Variants in PCSK5 observed in about 807,000 individuals in gnomAD.
PCSK5 encodes the protein proprotein convertase subtilisin/kexin type 5, also known as prohormone convertase 5.
In PCSK5, 129 loss-of-function variants were observed where a neutral mutation model predicts 233.2. The ratio of observed to expected loss-of-function variants is 0.55; its 90% CI spans 0.48 to 0.64. PCSK5 has a LOEUF of 0.64. Among genes scored for constraint, PCSK5 ranks in the 30% least tolerant of loss-of-function variants. The pLI, the probability that PCSK5 is intolerant of heterozygous loss-of-function variation, is 0.00. For synonymous variants in PCSK5, 825 were observed against 879.2 expected (o/e 0.94, Z 1.09); for missense variants, 2,076 against 2,430.1 (o/e 0.85, Z 3.06).
chr9:76,257,064 C>T (rs1827006758), intron 24 of PCSK5, among the ~76,000 whole-genome samples: 3 of 152,214 alleles, frequency 2.0e-5, no homozygotes, highest in Admixed American at 2.0e-4. Flanking sequence ...TCTACGTTCA[C>T]CCTTTTTCTG....
intron 5 of PCSK5, among the ~76,000 whole-genome samples, chr9:76,033,440 C>A (rs979034428): frequency 2.0e-5 from 3 of 152,002 alleles, no homozygotes; most frequent in Non-Finnish European, 4.4e-5. Flanking sequence ...ATTTTTTTCT[C>A]TAATACTTTT....
chr9:75,988,964 T>C (rs1392222755), intron 3 of PCSK5, among the ~76,000 whole-genome samples: 9 of 152,194 alleles, frequency 5.9e-5, no homozygotes, highest in Admixed American at 5.9e-4. Flanking sequence ...GAGAAGTCAC[T>C]GAAACACTTG....
chr9:76,194,730 T>C (rs34619779), intron 20 of PCSK5: 51,577 of 463,002 alleles, frequency 0.11, 3,347 homozygotes, highest in Admixed American at 0.19. Context: ...ATCTTATAGA[T>C]CTTTTGACAG....
intron 24 of PCSK5, among the ~76,000 whole-genome samples, chr9:76,257,174 T>A (rs1250782713): frequency 6.6e-6 from 1 of 152,150 alleles, no homozygotes; most frequent in Non-Finnish European, 1.5e-5. Flanking sequence ...TCAGTAACTA[T>A]CTGTGACTTC....
At chr9:76,315,493 T>C (rs1828996337) in intron 30 of PCSK5, among the ~76,000 whole-genome samples, 1 of 152,194 alleles carries the variant, frequency 6.6e-6, no homozygotes, top group African/African-American at 2.4e-5. Context: ...ATTTAACGAT[T>C]TAGTACATGC....
chr9:76,181,246 CAAA>C, intron 15 of PCSK5, 149 bp from the exon 16 acceptor site: 1 of 623,504 alleles, frequency 1.6e-6, no homozygotes, highest in African/African-American at 2.0e-5. Flanking sequence ...GGAAGTTTAA[CAAA>C]CAATCTGGCT....
chr9:76,231,226 C>T (rs1826067998), intron 21 of PCSK5, among the ~76,000 whole-genome samples: 1 of 152,036 alleles, frequency 6.6e-6, no homozygotes, highest in African/African-American at 2.4e-5. Flanking sequence ...GGGGAAAATC[C>T]CTTTATAAAA....
intron 8 of PCSK5, among the ~76,000 whole-genome samples, chr9:76,105,151 A>G (rs1452687732): frequency 6.6e-6 from 1 of 152,230 alleles, no homozygotes; most frequent in Admixed American, 6.5e-5. Context: ...GTGTCCATCA[A>G]CAGATGAATG....
chr9:76,253,210 A>T (rs1225610291), intron 24 of PCSK5, among the ~76,000 whole-genome samples: 3 of 151,700 alleles, frequency 2.0e-5, no homozygotes, highest in Non-Finnish European at 4.4e-5. Context: ...CCATGGGCAG[A>T]TGGGGAAGGG....
intron 20 of PCSK5, among the ~76,000 whole-genome samples, chr9:76,212,142 C>G (rs1347261304): frequency 6.6e-6 from 1 of 152,172 alleles, no homozygotes; most frequent in Non-Finnish European, 1.5e-5. Context: ...TGCAACTCTT[C>G]CGCCAGACAG....
chr9:76,358,456 T>G (rs1049789038), intron 37 of PCSK5, 57 bp from the exon 38 acceptor site: 1 of 1,371,438 alleles, frequency 7.3e-7, no homozygotes, highest in African/African-American at 1.4e-5. Flanking sequence ...ATTTTCTCTA[T>G]TCTATTTCTT....
intron 1 of PCSK5, among the ~76,000 whole-genome samples, chr9:75,929,880 T>TA (rs1440218278): frequency 2.0e-5 from 3 of 147,860 alleles, no homozygotes; most frequent in Non-Finnish European, 4.5e-5. Context: ...TTTTTTTTTT[T>TA]AAGACAGAGT....
At chr9:75,956,233 G>A (rs1825089000) in intron 2 of PCSK5, among the ~76,000 whole-genome samples, 1 of 152,210 alleles carries the variant, frequency 6.6e-6, no homozygotes, top group South Asian at 2.1e-4. Context: ...TTCTTAGCAT[G>A]AGCACGTACT....
intron 4 of PCSK5, among the ~76,000 whole-genome samples, chr9:76,026,439 A>G (rs549582440): frequency 2.0e-4 from 30 of 152,306 alleles, no homozygotes; most frequent in African/African-American, 7.2e-4. Flanking sequence ...GATACCTGAC[A>G]TAATAAAGAT....
intron 10 of PCSK5, among the ~76,000 whole-genome samples, chr9:76,148,161 C>T (rs1019756403): frequency 6.6e-6 from 1 of 151,506 alleles, no homozygotes; most frequent in African/African-American, 2.4e-5. Flanking sequence ...ATCGGAAGAC[C>T]TATTGTCTTC....
In PCSK5 at chr9:76,116,189, A is replaced by T. The variant is rs566915657; in HGVS notation, c.1208+8838A>T. Among the ~76,000 whole-genome samples the T allele has an allele frequency of 2.6e-5, 4 of 152,228 alleles. No homozygotes were observed. In the South Asian group the frequency reaches 8.3e-4, roughly 32 times the overall value. On this transcript the variant is annotated intron_variant, in intron 9 of 37. Coordinates refer to ENST00000674117, the MANE Select transcript of PCSK5 (RefSeq NM_001372043.1). The stretch of plus-strand genomic sequence containing the variant: ...TTTTATTCATCCTGACATCAACAAG[A>T]TGATTATGACATCTGATGTGTTGAA...
chr9:76,348,254 C>CA lies in PCSK5; in HGVS notation c.4967-2567dup, dbSNP rs1275413990. 7.9e-5 allele frequency among the ~76,000 whole-genome samples: 12 copies of CA among 152,168 alleles called. No individual in the cohort carries two copies. In the East Asian group the frequency reaches 2.3e-3, roughly 29 times the overall value. On this transcript the variant is annotated intron_variant, in intron 35 of 37. Coordinates refer to ENST00000674117, the MANE Select transcript of PCSK5 (RefSeq NM_001372043.1). ...TGAAACCTCATGTCTATTGAAAATA[C>CA]AAAAAAATTAGGCAAGTGTGGTGGT...
chr9:76,349,009 C>T (rs1021594613), intron 35 of PCSK5, among the ~76,000 whole-genome samples: 5 of 151,852 alleles, frequency 3.3e-5, no homozygotes, highest in Middle Eastern at 3.2e-3. Flanking sequence ...TGGTGGCTCA[C>T]GCCTGTAATC....
chr9:75,898,756 AT>A (rs1339716877), intron 1 of PCSK5, among the ~76,000 whole-genome samples: 3 of 152,048 alleles, frequency 2.0e-5, no homozygotes, highest in African/African-American at 7.3e-5. Flanking sequence ...ATAAGTTTAT[AT>A]TGAAGTTTAT....
Sources: gnomAD v4.1 joint callset for allele counts (sites outside exome capture counted in the v4.1 genomes callset) on GRCh38, gnomAD v4.1.1 for gene constraint, MANE v1.5 for transcripts, NCBI Gene and HGNC (gene_info 2026-07-23, HGNC 2026-07-21) for gene names.